KCNG3: variants seen among roughly 807,000 people sequenced by gnomAD.
KCNG3 encodes the protein potassium voltage-gated channel modifier subfamily G member 3.
Under a neutral mutation model 29.0 loss-of-function variants are expected in KCNG3, and 15 were observed. The observed-to-expected ratio is 0.52, with a 90% CI of 0.35 to 0.80. The LOEUF (loss-of-function observed/expected upper bound fraction) is 0.80, where lower values mean the gene tolerates loss of function less well. Among genes scored for constraint, KCNG3 ranks in the 30% least tolerant of loss-of-function variants. KCNG3 has a pLI of 0.01. For missense variants in KCNG3, 512 were observed against 605.7 expected, an observed-to-expected ratio of 0.85 and a Z score of 1.62; for synonymous variants, 322 against 248.9, an observed-to-expected ratio of 1.29 and a Z score of -2.76.
At chr2:42,483,115 T>C (rs1215219840) in intron 1 of KCNG3, among the ~76,000 whole-genome samples, 1 of 152,148 alleles carries the variant, frequency 6.6e-6, no homozygotes, top group East Asian at 1.9e-4. Flanking sequence ...ATCAAGACCC[T>C]GTCTCAAAAA....
At chr2:42,425,231 C>G in the KCNG3 span, 1 of 145,514 alleles carries the variant, frequency 6.9e-6, no homozygotes, top group Non-Finnish European at 1.5e-5. Context: ...AAACCCGACT[C>G]TACTAAAAAA....
At chr2:42,471,038 G>A (rs1316374728) in intron 1 of KCNG3, among the ~76,000 whole-genome samples, 2 of 152,014 alleles carry the variant, frequency 1.3e-5, no homozygotes, top group Admixed American at 6.6e-5. Flanking sequence ...TGTAGCACCA[G>A]CTACTTGGAA....
intron 1 of KCNG3, among the ~76,000 whole-genome samples, chr2:42,450,717 C>G (rs563577224): frequency 6.6e-6 from 1 of 152,246 alleles, no homozygotes; most frequent in South Asian, 2.1e-4. Flanking sequence ...TTCAAGAAGT[C>G]TATGAAATAT....
chr2:42,430,395 TAA>T, the KCNG3 span, among the ~76,000 whole-genome samples: 22 of 150,922 alleles, frequency 1.5e-4, no homozygotes, highest in African/African-American at 5.4e-4. Context: ...AATAAATAAA[TAA>T]ATAAATAAAT....
At chr2:42,412,856 C>T in the KCNG3 span, among the ~76,000 whole-genome samples, 1 of 152,196 alleles carries the variant, frequency 6.6e-6, no homozygotes, top group Non-Finnish European at 1.5e-5. Flanking sequence ...TTCTTCCCTG[C>T]TGGCGTCTGA....
chr2:42,493,591 A>C lies in KCNG3; in HGVS notation c.-90T>G, dbSNP rs1291132615. The C allele has an allele frequency of 8.5e-7, 1 of 1,175,578 alleles. No homozygotes were observed. Among genetic ancestry groups the C allele is most frequent in the Non-Finnish European group, 1.1e-6 (1 of 937,194 alleles). 72.8% of individuals were successfully genotyped at this position (1,175,578 alleles called of 1,614,324 possible). ...CGCGGGGCCTGCCTGCCCGTGGCTGACGGGGGAGCGCGCCGTCGGGGCCCG... is the reference window on the plus strand; with the variant it reads ...CGCGGGGCCTGCCTGCCCGTGGCTGCCGGGGGAGCGCGCCGTCGGGGCCCG... On this transcript the variant is annotated 5_prime_UTR_variant, in exon 1 of 2. Transcript: ENST00000306078.
intron 1 of KCNG3, among the ~76,000 whole-genome samples, chr2:42,479,622 G>A (rs1483954436): frequency 6.6e-6 from 1 of 150,614 alleles, no homozygotes; most frequent in Non-Finnish European, 1.5e-5. Flanking sequence ...CTTCAGTCTG[G>A]GTGACAAAAT....
the KCNG3 span, among the ~76,000 whole-genome samples, chr2:42,390,555 G>A: frequency 6.6e-6 from 1 of 152,172 alleles, no homozygotes; most frequent in Non-Finnish European, 1.5e-5. Flanking sequence ...AATGATATAC[G>A]TGAATGATCA....
the KCNG3 span, among the ~76,000 whole-genome samples, chr2:42,428,499 T>C: frequency 6.8e-6 from 1 of 146,864 alleles, no homozygotes; most frequent in Non-Finnish European, 1.5e-5. Flanking sequence ...AGTTTGACAA[T>C]TACTGCACTC....
chr2:42,420,219 G>A, the KCNG3 span, among the ~76,000 whole-genome samples: 3 of 152,114 alleles, frequency 2.0e-5, no homozygotes, highest in African/African-American at 4.8e-5. Context: ...TGAAAAGAGC[G>A]AAACTCCGTC....
chr2:42,466,826 C>T (rs1572853114), intron 1 of KCNG3, among the ~76,000 whole-genome samples: 1 of 148,534 alleles, frequency 6.7e-6, no homozygotes, highest in Non-Finnish European at 1.5e-5. Flanking sequence ...GATCTCGGCT[C>T]ACTGCAACCT....
At chr2:42,413,869 G>T in the KCNG3 span, 1 of 152,286 alleles carries the variant, frequency 6.6e-6, no homozygotes, top group Non-Finnish European at 1.5e-5. Flanking sequence ...ACCTCCCACT[G>T]GGTCCCTCTC....
At chr2:42,427,351 C>T in the KCNG3 span, among the ~76,000 whole-genome samples, 8 of 152,298 alleles carry the variant, frequency 5.3e-5, no homozygotes, top group East Asian at 1.5e-3. Flanking sequence ...TGCCTGTAAT[C>T]CCAGCACTTT....
chr2:42,416,238 G>GCTA, the KCNG3 span, among the ~76,000 whole-genome samples: 1 of 152,138 alleles, frequency 6.6e-6, no homozygotes, highest in Admixed American at 6.5e-5. Flanking sequence ...TGAGTACAAA[G>GCTA]CTACAGATAG....
chr2:42,410,897 G>A, the KCNG3 span, among the ~76,000 whole-genome samples: 1 of 152,100 alleles, frequency 6.6e-6, no homozygotes, highest in South Asian at 2.1e-4. Flanking sequence ...ATTCTCCTAT[G>A]TTTCCTTCTA....
chr2:42,478,080 C>T (rs1558386992), intron 1 of KCNG3, among the ~76,000 whole-genome samples: 1 of 152,012 alleles, frequency 6.6e-6, no homozygotes, highest in Non-Finnish European at 1.5e-5. Flanking sequence ...TTATAGGTGT[C>T]CACATTGAAG....
At chr2:42,484,558 GT>G (rs1428985603) in intron 1 of KCNG3, among the ~76,000 whole-genome samples, 1 of 152,212 alleles carries the variant, frequency 6.6e-6, no homozygotes, top group Non-Finnish European at 1.5e-5. Context: ...GTGTGTGTGT[GT>G]ACACGCACAT....
chr2:42,454,131 T>C (rs1672826445), intron 1 of KCNG3, among the ~76,000 whole-genome samples: 1 of 148,456 alleles, frequency 6.7e-6, no homozygotes, highest in African/African-American at 2.5e-5. Flanking sequence ...AAATCACAAG[T>C]GTCTTGAGCA....
At chr2:42,435,520 A>G in the KCNG3 span, among the ~76,000 whole-genome samples, 1 of 152,220 alleles carries the variant, frequency 6.6e-6, no homozygotes, top group Non-Finnish European at 1.5e-5. Flanking sequence ...TACAAATCAT[A>G]TATTTGAAAA....
Sources: gnomAD v4.1 joint callset for allele counts (sites outside exome capture counted in the v4.1 genomes callset) on GRCh38, gnomAD v4.1.1 for gene constraint, MANE v1.5 for transcripts, NCBI Gene and HGNC (gene_info 2026-07-23, HGNC 2026-07-21) for gene names.